The following BCAP29 variants were observed in gnomAD, a reference collection of about 807,000 sequenced individuals.
BCAP29 encodes the protein B cell receptor associated protein 29, also known as B-cell receptor-associated protein 29.
BCAP29 carries 34 observed loss-of-function variants against 31.8 expected under a neutral mutation model. The observed-to-expected ratio is 1.07, with a 90% CI of 0.81 to 1.42. The LOEUF is 1.42. Ranked by LOEUF, BCAP29 falls within the 40% of genes most tolerant of loss-of-function variation. BCAP29 has a pLI of 0.00. For missense variants in BCAP29, 314 were observed against 269.2 expected (o/e 1.17, Z -1.16); for synonymous variants, 104 against 91.3 (o/e 1.14, Z -0.79).
chr7:107,613,280 A>AT (rs1454463314), intron 6 of BCAP29, 52 bp from the exon 7 acceptor site: 1 of 1,398,482 alleles, frequency 7.2e-7, no homozygotes, highest in Non-Finnish European at 9.9e-7. Context: ...TAACTTTTCT[A>AT]TAAATTTGAA....
downstream of BCAP29, chr7:107,622,850 TC>T (rs1815089661): frequency 6.6e-6 from 1 of 152,230 alleles, no homozygotes; most frequent in South Asian, 2.1e-4. Context: ...GGTGGAGACA[TC>T]CTGCAGTAGA....
intron 7 of BCAP29, among the ~76,000 whole-genome samples, chr7:107,616,675 G>A (rs542436588): frequency 8.0e-4 from 121 of 152,026 alleles, no homozygotes; most frequent in South Asian, 1.7e-3. Flanking sequence ...ATCCCCCACC[G>A]TTGTCCAATA....
At chr7:107,622,942 T>A (rs1388248357), downstream of BCAP29, 1 of 148,274 alleles carries the variant, frequency 6.7e-6, no homozygotes, top group African/African-American at 2.6e-5. Context: ...CAGTTTTGTA[T>A]TTTTTTTTAT....
intron 2 of BCAP29, among the ~76,000 whole-genome samples, chr7:107,583,161 T>C (rs1208694504): frequency 6.6e-6 from 1 of 152,198 alleles, no homozygotes; most frequent in African/African-American, 2.4e-5. Context: ...TATTGCGTGA[T>C]GGATTATTTT....
At chr7:107,580,642 C>T in intron 1 of BCAP29, 117 bp from the exon 2 acceptor site, 1 of 687,830 alleles carries the variant, frequency 1.5e-6, no homozygotes, top group Non-Finnish European at 2.4e-6. Flanking sequence ...GCTTGCCTTC[C>T]CAGGTGGGGG....
At chr7:107,591,923 A>C (rs1328407512) in intron 3 of BCAP29, among the ~76,000 whole-genome samples, 1 of 152,020 alleles carries the variant, frequency 6.6e-6, no homozygotes, top group Non-Finnish European at 1.5e-5. Flanking sequence ...CAAATTCAGA[A>C]TGTGAGAACT....
At position 107,583,973 on chromosome 7, in the gene BCAP29, C is replaced by A; in HGVS notation, c.184C>A (p.Leu62Ile). 1 of 1,552,586 alleles carries A rather than the reference C, an allele frequency of 6.4e-7. No individual in the cohort carries two copies. Reference sequence around the variant, plus strand: ...TACCATTATCATCCTATTGATTGTTCTATTTCTAGGTAAGTACTAGATCCC... The same window carrying A: ...TACCATTATCATCCTATTGATTGTTATATTTCTAGGTAAGTACTAGATCCC... ...FLTIIILLIV[L>I]FLDAVREVRK... The change falls in exon 3 of 8, where the codon CTA becomes ATA. Residue 62 changes from leucine (L) to isoleucine (I), a missense_variant. Leu to Ile is a conservative substitution (Grantham distance 5). Transcript: ENST00000005259.
intron 3 of BCAP29, among the ~76,000 whole-genome samples, chr7:107,590,724 T>C (rs1808558703): frequency 1.3e-5 from 2 of 149,496 alleles, no homozygotes; most frequent in African/African-American, 4.9e-5. Context: ...AAGGCTGAGG[T>C]GGGAGAGTTG....
chr7:107,620,683 A>G (rs1233694852), downstream of BCAP29: 1 of 152,196 alleles, frequency 6.6e-6, no homozygotes, highest in Non-Finnish European at 1.5e-5. Flanking sequence ...CAAGTTCTGG[A>G]TAAGCACTCC....
chr7:107,613,690 C>A, intron 7 of BCAP29: 1 of 1,605,110 alleles, frequency 6.2e-7, no homozygotes, highest in Non-Finnish European at 8.5e-7. Flanking sequence ...CAAAAGAAGC[C>A]ACAAAAATGG....
chr7:107,594,173 C>A, intron 4 of BCAP29, 68 bp downstream of exon 4: 1 of 1,430,756 alleles, frequency 7.0e-7, no homozygotes, highest in Non-Finnish European at 9.6e-7. Context: ...CTCATTTTGT[C>A]CACCTTTACT....
chr7:107,601,921 C>A (rs558634566), intron 6 of BCAP29, among the ~76,000 whole-genome samples: 11 of 152,290 alleles, frequency 7.2e-5, no homozygotes, highest in African/African-American at 2.6e-4. Context: ...CTTAACCCTG[C>A]ACAATTGAGT....
chr7:107,596,223 C>T (rs966878298), intron 5 of BCAP29, among the ~76,000 whole-genome samples: 2 of 151,932 alleles, frequency 1.3e-5, no homozygotes, highest in Non-Finnish European at 2.9e-5. Flanking sequence ...GCTTTTTCTC[C>T]ATAGTGGATT....
At position 107,613,703 on chromosome 7, in the gene BCAP29, G is replaced by A. The variant is rs549554128; in HGVS notation, c.690+271G>A. On this transcript the variant is annotated intron_variant, in intron 7 of 7. Coordinates refer to ENST00000005259, the MANE Select transcript of BCAP29 (RefSeq NM_018844.4). Reference sequence around the variant, plus strand: ...AGCAAAAGAAGCCACAAAAATGGCAGCATTGGAAAACAGACTGGTTCTAGA... The same window carrying A: ...AGCAAAAGAAGCCACAAAAATGGCAACATTGGAAAACAGACTGGTTCTAGA... 6 of 1,612,422 alleles carry A rather than the reference G, an allele frequency of 3.7e-6. No homozygotes were observed. The East Asian group carries it at 8.9e-5, about 24-fold the overall frequency.
intron 2 of BCAP29, among the ~76,000 whole-genome samples, chr7:107,582,337 C>A (rs113224002): frequency 0.014 from 2,197 of 152,204 alleles, 57 homozygotes; most frequent in African/African-American, 0.049. Context: ...TAAATGTGTT[C>A]TCATGTACAG....
rs148226497 is a variant in BCAP29, at chr7:107,598,540, A to G, written c.481-1857A>G. Among the ~76,000 whole-genome samples the G allele has an allele frequency of 3.7e-3, 566 of 152,276 alleles. 3 individuals are homozygous for G. The highest frequency in any genetic ancestry group is 0.01 in the Middle Eastern group (3 of 294). On this transcript the variant is annotated intron_variant, in intron 5 of 7. Transcript: ENST00000005259. ...TTATGCTCGTTTCGTCCTTTCTACTAGATTGAAGTTATTCAAAAGTAGAGA... is the reference window on the plus strand; with the variant it reads ...TTATGCTCGTTTCGTCCTTTCTACTGGATTGAAGTTATTCAAAAGTAGAGA...
chr7:107,616,019 T>C (rs1323198976), intron 7 of BCAP29: 1 of 152,378 alleles, frequency 6.6e-6, no homozygotes, highest in Admixed American at 6.5e-5. Flanking sequence ...ACTATGTTCT[T>C]TGGCCTTTGC....
At chr7:107,580,967 T>G (rs1585019276) in intron 2 of BCAP29, 103 bp downstream of exon 2, 1 of 727,256 alleles carries the variant, frequency 1.4e-6, no homozygotes, top group East Asian at 3.2e-5. Context: ...TCTTTGAAAA[T>G]AAACTCACCT....
At position 107,595,816 on chromosome 7, in the gene BCAP29, TA is replaced by T. The variant is rs745698733; in HGVS notation, c.345-49del. On this transcript the variant is annotated intron_variant, in intron 4 of 7. Coordinates refer to ENST00000005259, the MANE Select transcript of BCAP29 (RefSeq NM_018844.4). The stretch of plus-strand genomic sequence containing the variant: ...TAATTTGGCAATGACTGTTTTAAAA[TA>T]AGTTTCTGGTGATTGGCCAGTAATA... The T allele has an allele frequency of 5.1e-4, 801 of 1,568,514 alleles. 3 individuals carry two copies. Among genetic ancestry groups the T allele is most frequent in the East Asian group, 4.4e-4 (19 of 43,290 alleles).
Sources: gnomAD v4.1 joint callset for allele counts (sites outside exome capture counted in the v4.1 genomes callset) on GRCh38, gnomAD v4.1.1 for gene constraint, MANE v1.5 for transcripts, NCBI Gene and HGNC (gene_info 2026-07-23, HGNC 2026-07-21) for gene names.